The following FAR1 variants were observed in gnomAD, a reference collection of about 807,000 sequenced individuals.
FAR1 encodes fatty acyl-CoA reductase 1, also known as male sterility domain-containing protein 2.
FAR1 carries 22 observed loss-of-function variants against 61.1 expected under a neutral mutation model. That is an observed-to-expected ratio of 0.36 (90% CI 0.26 to 0.51). The LOEUF is 0.51. Among genes scored for constraint, FAR1 ranks in the 20% least tolerant of loss-of-function variants. The probability of loss-of-function intolerance (pLI) is 0.95; values close to 1 mark genes in which losing one functional copy is unlikely to be tolerated. For synonymous variants in FAR1, 206 were observed against 209.7 expected (o/e 0.98, Z 0.15); for missense variants, 359 against 626.9 (o/e 0.57, Z 4.56).
intron 3 of FAR1, among the ~76,000 whole-genome samples, chr11:13,701,019 C>G (rs1176984536): frequency 6.6e-6 from 1 of 151,954 alleles, no homozygotes; most frequent in South Asian, 2.1e-4. Context: ...TTTCAAGATT[C>G]CTGTTGCAAG....
chr11:13,670,494 A>G (rs1052362242), intron 1 of FAR1, among the ~76,000 whole-genome samples: 1 of 151,870 alleles, frequency 6.6e-6, no homozygotes. Flanking sequence ...GTTTCACCAT[A>G]TTGGCCAGGC....
Position 13,721,946 on chromosome 11 carries a change from G to C in FAR1, c.1257+87G>C. ...AGCAACCTGAGAAATATTTTCCACA[G>C]CTATTATGCAACAAGTAAGCCATTA... is the stretch of plus-strand genomic sequence containing the variant. On this transcript the variant is annotated intron_variant, in intron 10 of 11. Transcript: ENST00000354817. This position sits in a 1 kb window ranked among gnomAD's most constrained non-coding sequence, Gnocchi z 4.2. 1 of 1,088,534 alleles carries C rather than the reference G, an allele frequency of 9.2e-7. No individual in the cohort carries two copies. Among genetic ancestry groups the C allele is most frequent in the Non-Finnish European group, 1.3e-6 (1 of 771,174 alleles). The allele number at this position is 1,088,534 out of a possible 1,614,324, so 67.4% of individuals were successfully genotyped here.
At chr11:13,712,887 C>T in intron 7 of FAR1, 79 bp from the exon 8 acceptor site, 3 of 1,093,194 alleles carry the variant, frequency 2.7e-6, no homozygotes. Context: ...CTCATGTCTT[C>T]TTGAATACTA....
intron 3 of FAR1, among the ~76,000 whole-genome samples, chr11:13,706,398 C>T (rs1848432102): frequency 6.6e-6 from 1 of 151,958 alleles, no homozygotes; most frequent in Non-Finnish European, 1.5e-5. Context: ...TCCTAGTTTC[C>T]TTCAAATCAT....
At chr11:13,699,867 C>A (rs1391513186) in intron 2 of FAR1, among the ~76,000 whole-genome samples, 1 of 152,092 alleles carries the variant, frequency 6.6e-6, no homozygotes, top group East Asian at 1.9e-4. Context: ...GAATGTAAAT[C>A]GTGTTTTTTT....
intron 1 of FAR1, among the ~76,000 whole-genome samples, chr11:13,675,068 T>TTA (rs60628454): frequency 1.3e-5 from 2 of 151,266 alleles, no homozygotes; most frequent in Non-Finnish European, 2.9e-5. Flanking sequence ...TTTTTTTTTT[T>TTA]AACCAGTTGT....
At chr11:13,689,185 T>C (rs537001618) in intron 1 of FAR1, among the ~76,000 whole-genome samples, 1 of 152,300 alleles carries the variant, frequency 6.6e-6, no homozygotes, top group Admixed American at 6.5e-5. Flanking sequence ...TATCGAAATA[T>C]AATAAATTCA....
At chr11:13,678,077 C>T (rs777854226) in intron 1 of FAR1, among the ~76,000 whole-genome samples, 6 of 152,228 alleles carry the variant, frequency 3.9e-5, no homozygotes, top group African/African-American at 7.2e-5. Flanking sequence ...TTGAAAGTTA[C>T]GGACTTCTAC....
At chr11:13,669,326 C>T (rs1847968131) in intron 1 of FAR1, 1 of 152,752 alleles carries the variant, frequency 6.5e-6, no homozygotes, top group African/African-American at 2.4e-5. Flanking sequence ...TTGATAGGGC[C>T]TGGGTGGAGA....
intron 1 of FAR1, among the ~76,000 whole-genome samples, chr11:13,679,902 G>A (rs974209868): frequency 6.6e-6 from 1 of 152,110 alleles, no homozygotes; most frequent in Non-Finnish European, 1.5e-5. Context: ...AAGAACTAAT[G>A]AACGTCTTTA....
chr11:13,728,807 A>T lies in FAR1; in HGVS notation c.*33A>T. 6.4e-7 allele frequency: 1 copy of T among 1,565,974 alleles called. No individual in the cohort carries two copies. The highest frequency in any genetic ancestry group is 8.7e-7 in the Non-Finnish European group (1 of 1,147,626). On this transcript the variant is annotated 3_prime_UTR_variant, in exon 12 of 12. Transcript: ENST00000354817. ...GGATTCAGCATTAGAACATCTATAC[A>T]TATGGTGATCTAAATGTACAAAATG... is the stretch of plus-strand genomic sequence containing the variant.
At chr11:13,702,884 T>C (rs1848392145) in intron 3 of FAR1, among the ~76,000 whole-genome samples, 1 of 152,184 alleles carries the variant, frequency 6.6e-6, no homozygotes, top group South Asian at 2.1e-4. Context: ...CCCCCTAGGG[T>C]AAGCAAGGCT....
chr11:13,695,860 A>C (rs561471021), intron 2 of FAR1, among the ~76,000 whole-genome samples: 5 of 152,304 alleles, frequency 3.3e-5, no homozygotes, highest in Admixed American at 1.3e-4. Flanking sequence ...CATGCAACAG[A>C]TATTCCTCAT....
rs1380559559 is a variant in FAR1, at chr11:13,729,764, T to G, written c.*990T>G. The G allele has an allele frequency of 6.6e-6, 1 of 152,044 alleles. No homozygotes were observed. Among genetic ancestry groups the G allele is most frequent in the East Asian group, 1.9e-4 (1 of 5,194 alleles). The allele number at this position is 152,044 out of a possible 1,614,324, so 9.4% of individuals were successfully genotyped here. A position where few individuals can be genotyped will look rare whatever the true frequency, so the allele number is the denominator to read the frequency against. ...TATGGAAGAATGTATTTGCAGGTAG[T>G]AATAGCATTAAAAAATATACTCGTG... On this transcript the variant is annotated 3_prime_UTR_variant, in exon 12 of 12. Coordinates refer to ENST00000354817, the MANE Select transcript of FAR1 (RefSeq NM_032228.6).
chr11:13,670,945 T>C (rs17455731), intron 1 of FAR1, among the ~76,000 whole-genome samples: 24,475 of 152,182 alleles, frequency 0.16, 2,127 homozygotes, highest in South Asian at 0.24. Flanking sequence ...TGAAGAGTTA[T>C]AGAGTCAAGG....
chr11:13,728,491 A>T, intron 11 of FAR1, 121 bp from the exon 12 acceptor site: 2 of 888,738 alleles, frequency 2.3e-6, no homozygotes, highest in Non-Finnish European at 3.5e-6. Context: ...AATGCCTATC[A>T]TAAGTTTCAA....
intron 9 of FAR1, chr11:13,720,673 G>GT (rs1490051687): frequency 6.6e-6 from 1 of 151,812 alleles, no homozygotes; most frequent in Non-Finnish European, 1.5e-5. Context: ...TATTTCTAAT[G>GT]TAATTTCCCT....
In FAR1 at chr11:13,731,700, GTTATTT is replaced by G. The variant is rs1848728395; in HGVS notation, c.*2931_*2936del. The stretch of plus-strand genomic sequence containing the variant: ...GCAGGATGACACTTTGTGTTAAAGT[GTTATTT>G]TTATGTATTACCTGGAATGAGGCAG... On this transcript the variant is annotated 3_prime_UTR_variant, in exon 12 of 12. Coordinates refer to ENST00000354817, the MANE Select transcript of FAR1 (RefSeq NM_032228.6). 6.6e-6 allele frequency: 1 copy of G among 152,024 alleles called. No homozygotes were observed. Among genetic ancestry groups the G allele is most frequent in the South Asian group, 2.1e-4 (1 of 4,820 alleles). 9.4% of individuals were successfully genotyped at this position (152,024 alleles called of 1,614,324 possible). A position where few individuals can be genotyped will look rare whatever the true frequency, so the allele number is the denominator to read the frequency against.
intron 1 of FAR1, among the ~76,000 whole-genome samples, chr11:13,684,971 C>T (rs1191247262): frequency 6.6e-6 from 1 of 152,114 alleles, no homozygotes; most frequent in East Asian, 1.9e-4. Flanking sequence ...CTTATTAACT[C>T]TACTGCCTTG....
Sources: allele counts gnomAD v4.1 joint callset (sites outside exome capture counted in the v4.1 genomes callset), GRCh38; gene constraint gnomAD v4.1.1; non-coding constraint Gnocchi (gnomAD v3.1); transcripts MANE v1.5; gene names NCBI Gene and HGNC (gene_info 2026-07-23, HGNC 2026-07-21).